POLR1D: variants seen among roughly 807,000 people sequenced by gnomAD.
POLR1D encodes the protein DNA-directed RNA polymerases I and III subunit RPAC2.
POLR1D carries 8 observed loss-of-function variants against 10.8 expected under a neutral mutation model. The ratio of observed to expected loss-of-function variants is 0.74; its 90% CI spans 0.43 to 1.33. POLR1D has a LOEUF of 1.33. Among genes scored for constraint, POLR1D ranks in the 40% most tolerant of loss-of-function variants. The probability of loss-of-function intolerance (pLI) is 0.01; values close to 1 mark genes in which losing one functional copy is unlikely to be tolerated. For missense variants in POLR1D, 152 were observed against 161.7 expected (o/e 0.94, Z 0.32); for synonymous variants, 54 against 57.2 (o/e 0.94, Z 0.25).
downstream of POLR1D, among the ~76,000 whole-genome samples, chr13:27,628,228 C>T (rs144320338): frequency 1.9e-3 from 284 of 152,266 alleles, no homozygotes; most frequent in Middle Eastern, 0.017. Context: ...CTGGCTCTTA[C>T]GGTCTGCACT....
intron 1 of POLR1D, among the ~76,000 whole-genome samples, chr13:27,634,083 G>A (rs1325003877): frequency 6.6e-6 from 1 of 151,988 alleles, no homozygotes; most frequent in Admixed American, 6.6e-5. Context: ...TTTGTTTATT[G>A]GTTTGTTTAC....
chr13:27,625,183 A>G (rs1955996320), downstream of POLR1D, among the ~76,000 whole-genome samples: 1 of 152,180 alleles, frequency 6.6e-6, no homozygotes, highest in African/African-American at 2.4e-5. Context: ...TGTCCTCTGG[A>G]GTCCATGGGA....
intron 1 of POLR1D, among the ~76,000 whole-genome samples, chr13:27,636,739 A>G (rs1036499101): frequency 2.0e-5 from 3 of 152,028 alleles, no homozygotes; most frequent in Non-Finnish European, 2.9e-5. Context: ...AGCATGATCT[A>G]TCTCTCAGAA....
At chr13:27,636,497 C>A (rs1001741733) in intron 1 of POLR1D, among the ~76,000 whole-genome samples, 1 of 152,062 alleles carries the variant, frequency 6.6e-6, no homozygotes, top group African/African-American at 2.4e-5. Context: ...GTGAAAAGAT[C>A]CTTGAAACTT....
At chr13:27,625,687 G>A (rs1956001532), downstream of POLR1D, among the ~76,000 whole-genome samples, 1 of 151,844 alleles carries the variant, frequency 6.6e-6, no homozygotes, top group Admixed American at 6.6e-5. Flanking sequence ...GGGTGACAAA[G>A]AAGTGGGCCC....
At chr13:27,660,230 G>A (rs1265622525) in intron 2 of POLR1D, among the ~76,000 whole-genome samples, 3 of 152,180 alleles carry the variant, frequency 2.0e-5, no homozygotes, top group African/African-American at 7.2e-5. Flanking sequence ...ACAGCATCAA[G>A]ATAAAAAATA....
chr13:27,635,155 A>G (rs1182464888), intron 1 of POLR1D, among the ~76,000 whole-genome samples: 3 of 152,232 alleles, frequency 2.0e-5, no homozygotes, highest in Non-Finnish European at 4.4e-5. Context: ...AAAGAATCAA[A>G]TGAATGAGAG....
chr13:27,648,371 CT>C (rs755650579), intron 1 of POLR1D: 4 of 1,586,332 alleles, frequency 2.5e-6, no homozygotes, highest in Non-Finnish European at 3.5e-6. Context: ...TTTCCTTTTT[CT>C]TATCAGGAAA....
intron 1 of POLR1D, among the ~76,000 whole-genome samples, chr13:27,634,675 CTT>C (rs369618281): frequency 2.3e-4 from 29 of 124,910 alleles, no homozygotes; most frequent in Admixed American, 3.3e-4. Context: ...ATAGACTCTG[CTT>C]TTTTTTTTTT....
At chr13:27,634,322 G>C (rs919927068) in intron 1 of POLR1D, among the ~76,000 whole-genome samples, 2 of 152,164 alleles carry the variant, frequency 1.3e-5, no homozygotes, top group Non-Finnish European at 2.9e-5. Flanking sequence ...CTGCTGCCCA[G>C]ACTTGTAGCA....
intron 1 of POLR1D, among the ~76,000 whole-genome samples, chr13:27,630,403 A>T (rs1956061383): frequency 6.6e-6 from 1 of 152,234 alleles, no homozygotes; most frequent in Admixed American, 6.5e-5. Flanking sequence ...GCATCTAATT[A>T]CACAGAGATT....
At chr13:27,651,042 T>A (rs533617997) in intron 2 of POLR1D, 2 of 152,162 alleles carry the variant, frequency 1.3e-5, no homozygotes, top group Non-Finnish European at 2.9e-5. Context: ...ATCATTTGAG[T>A]TTCAACACAT....
downstream of POLR1D, among the ~76,000 whole-genome samples, chr13:27,625,331 A>G (rs563571083): frequency 1.3e-5 from 2 of 152,218 alleles, no homozygotes; most frequent in African/African-American, 4.8e-5. Flanking sequence ...TAAAGAGTTG[A>G]AGTGGCCTGG....
At position 27,637,338 on chromosome 13, in the gene POLR1D, G is replaced by A. The variant is rs1956134284; in HGVS notation, c.27-11041G>A. Reference sequence around the variant, plus strand: ...CCTTTCTAGTGGTTCCTCCTGTGCTGTTGAATTCAGCATCTGTAAGAATGT... The same window carrying A: ...CCTTTCTAGTGGTTCCTCCTGTGCTATTGAATTCAGCATCTGTAAGAATGT... On this transcript the variant is annotated intron_variant, in intron 1 of 2. Transcript: ENST00000399697. Among the ~76,000 whole-genome samples the A allele has an allele frequency of 2.0e-5, 3 of 152,264 alleles. 1 individual carries two copies. In the South Asian group the frequency reaches 6.2e-4, roughly 32 times the overall value.
At chr13:27,654,425 T>G (rs77712080) in intron 2 of POLR1D, among the ~76,000 whole-genome samples, 22 of 152,306 alleles carry the variant, frequency 1.4e-4, no homozygotes, top group African/African-American at 5.1e-4. Context: ...ATCACCAATC[T>G]CATCAGATCA....
chr13:27,621,925 T>A lies in POLR1D; in HGVS notation c.-59T>A. On this transcript the variant is annotated 5_prime_UTR_variant, in exon 1 of 2. Coordinates refer to ENST00000302979, the MANE Select transcript of POLR1D (RefSeq NM_015972.4). The stretch of plus-strand genomic sequence containing the variant: ...CCTGCTTCGCCTCCGCGCCTCGCGC[T>A]ATGGGACAGAGCCCCCGATCCGCCA... 2 of 1,555,416 alleles carry A rather than the reference T, an allele frequency of 1.3e-6. No homozygotes were observed. Among genetic ancestry groups the A allele is most frequent in the Non-Finnish European group, 1.7e-6 (2 of 1,144,280 alleles).
At position 27,663,180 on chromosome 13, in the gene POLR1D, T is replaced by C. The variant is rs1240771222; in HGVS notation, c.102-2506T>C. The stretch of plus-strand genomic sequence containing the variant: ...ATAAAATGATTTACTATATGTACCT[T>C]CACATCTGCTTGCAACTACTGTATC... On this transcript the variant is annotated intron_variant, in intron 2 of 2. Transcript: ENST00000399697. The surrounding 1 kb of genome is among the most constrained non-coding windows in gnomAD (Gnocchi z 4.1). Among the ~76,000 whole-genome samples the C allele has an allele frequency of 6.6e-6, 1 of 152,254 alleles. No homozygotes were observed. Among genetic ancestry groups the C allele is most frequent in the Non-Finnish European group, 1.5e-5 (1 of 68,040 alleles).
intron 1 of POLR1D, among the ~76,000 whole-genome samples, chr13:27,638,779 A>G (rs1273073062): frequency 5.3e-5 from 8 of 152,308 alleles, no homozygotes; most frequent in Non-Finnish European, 1.2e-4. Context: ...GATGATTTGT[A>G]TAACATAAAG....
intron 1 of POLR1D, among the ~76,000 whole-genome samples, chr13:27,629,839 T>G (rs1295861487): frequency 6.6e-6 from 1 of 152,232 alleles, no homozygotes; most frequent in Non-Finnish European, 1.5e-5. Flanking sequence ...GTATCTGGAC[T>G]ATTGGTAGGT....
Sources: allele counts gnomAD v4.1 joint callset (sites outside exome capture counted in the v4.1 genomes callset), GRCh38; gene constraint gnomAD v4.1.1; non-coding constraint Gnocchi (gnomAD v3.1); transcripts MANE v1.5; gene names NCBI Gene and HGNC (gene_info 2026-07-23, HGNC 2026-07-21).